RNF14: variants seen among roughly 807,000 people sequenced by gnomAD.
RNF14 encodes the protein E3 ubiquitin-protein ligase RNF14.
Under a neutral mutation model 52.6 loss-of-function variants are expected in RNF14, and 26 were observed. That is an observed-to-expected ratio of 0.49 (90% confidence interval 0.36 to 0.69). The LOEUF (loss-of-function observed/expected upper bound fraction) is 0.69. Among genes scored for constraint, RNF14 ranks in the 30% least tolerant of loss-of-function variants. RNF14 has a pLI of 0.00. For missense variants in RNF14, 404 were observed against 560.4 expected, an observed-to-expected ratio of 0.72 and a Z score of 2.82; for synonymous variants, 194 against 202.0, an observed-to-expected ratio of 0.96 and a Z score of 0.34.
At chr5:141,971,574 TCTTTCTTTCTTTC>T (rs1561544541) in intron 2 of RNF14, among the ~76,000 whole-genome samples, 1 of 3,824 alleles carries the variant, frequency 2.6e-4, no homozygotes, top group Non-Finnish European at 4.7e-4. Flanking sequence ...TTTCTTTCTT[TCTTTCTTTCTTTC>T]TTTCTTTCTT....
At chr5:141,954,569 A>G (rs1167232737), upstream of RNF14, among the ~76,000 whole-genome samples, 1 of 152,212 alleles carries the variant, frequency 6.6e-6, no homozygotes, top group African/African-American at 2.4e-5. Context: ...AGAGCTAGGA[A>G]GAAGTGGAGC....
rs764038475 is a variant in RNF14 at position 141,980,329 on chromosome 5, C to T, written c.1041C>T (p.Val347=). 6.2e-6 allele frequency: 10 copies of T among 1,613,718 alleles called. No homozygotes were observed. Among genetic ancestry groups the T allele is most frequent in the Non-Finnish European group, 7.6e-6 (9 of 1,179,666 alleles). The change falls in exon 6 of 9, where the codon GTC becomes GTT. Residue 347 remains valine, a synonymous_variant. Coordinates refer to ENST00000394520, the MANE Select transcript of RNF14 (RefSeq NM_004290.5). Reference sequence around the variant, plus strand: ...TGTGCAGGTTGACCTACCATGGGGTCTCCCCATGTAAGGTGACTGCAGGTA... The same window carrying T: ...TGTGCAGGTTGACCTACCATGGGGTTTCCCCATGTAAGGTGACTGCAGGTA... ...CTLCRLTYHG[V]SPCKVTAEKL...
intron 4 of RNF14, among the ~76,000 whole-genome samples, chr5:141,977,066 C>G (rs1333764050): frequency 6.6e-6 from 1 of 152,232 alleles, no homozygotes; most frequent in Non-Finnish European, 1.5e-5. Flanking sequence ...TCTGGGATTA[C>G]AGGCATGAGC....
At chr5:141,960,025 T>C (rs1301933311) in intron 1 of RNF14, among the ~76,000 whole-genome samples, 1 of 152,246 alleles carries the variant, frequency 6.6e-6, no homozygotes, top group Non-Finnish European at 1.5e-5. Flanking sequence ...AAAGATGGCC[T>C]TGCATTTGTC....
At chr5:141,967,825 A>T (rs1027000091), upstream of RNF14, among the ~76,000 whole-genome samples, 20 of 152,238 alleles carry the variant, frequency 1.3e-4, no homozygotes, top group African/African-American at 4.1e-4. Flanking sequence ...ACCTAAAAAA[A>T]TTTTTTAATT....
intron 1 of RNF14, among the ~76,000 whole-genome samples, chr5:141,960,275 A>G (rs932851549): frequency 2.0e-5 from 3 of 152,234 alleles, no homozygotes; most frequent in African/African-American, 7.2e-5. Flanking sequence ...GGGGGCAGGG[A>G]AAATGAAAGG....
chr5:141,957,361 G>A, upstream of RNF14: 1 of 1,613,896 alleles, frequency 6.2e-7, no homozygotes, highest in Admixed American at 1.7e-5. The surrounding 1 kb of genome is among the most constrained non-coding windows in gnomAD (Gnocchi z 4.3). Context: ...GTTAGGGCCT[G>A]TGTCTGGGTC....
upstream of RNF14, chr5:141,956,100 G>T (rs1753178806): frequency 2.5e-6 from 4 of 1,614,220 alleles, no homozygotes; most frequent in Non-Finnish European, 3.4e-6. Context: ...GGTGGCCTGT[G>T]GAGGCATTCA....
At chr5:141,955,381 C>T, upstream of RNF14, 1 of 1,614,060 alleles carries the variant, frequency 6.2e-7, no homozygotes, top group East Asian at 2.2e-5. This position sits in a 1 kb window ranked among gnomAD's most constrained non-coding sequence, Gnocchi z 5.5. Context: ...ACGCAGCGTC[C>T]TGTACAGGGT....
chr5:141,968,629 A>G (rs1354432147), upstream of RNF14, among the ~76,000 whole-genome samples: 1 of 152,212 alleles, frequency 6.6e-6, no homozygotes, highest in African/African-American at 2.4e-5. Context: ...GTGAAGATAG[A>G]AAATTTACGT....
intron 8 of RNF14, 56 bp downstream of exon 8, chr5:141,984,989 A>C: frequency 6.8e-7 from 1 of 1,477,380 alleles, no homozygotes; most frequent in Non-Finnish European, 9.4e-7. Flanking sequence ...CTTGATTTGC[A>C]GACCACAAAT....
rs1353799488 is a variant in RNF14, at chr5:141,988,506, G to T, written c.*716G>T. 6.6e-6 allele frequency: 1 copy of T among 152,332 alleles called. No individual in the cohort carries two copies. The highest frequency in any genetic ancestry group is 1.5e-5 in the Non-Finnish European group (1 of 68,038). 9.4% of individuals were successfully genotyped at this position (152,332 alleles called of 1,614,324 possible). ...AGAATTTAGTGATACTGGCTCAGAAGAATTTAAGTTCTATTCAGCCTTCCT... is the reference window on the plus strand; with the variant it reads ...AGAATTTAGTGATACTGGCTCAGAATAATTTAAGTTCTATTCAGCCTTCCT... On this transcript the variant is annotated 3_prime_UTR_variant, in exon 9 of 9. Coordinates refer to ENST00000394520, the MANE Select transcript of RNF14 (RefSeq NM_004290.5).
upstream of RNF14, among the ~76,000 whole-genome samples, chr5:141,968,401 G>A (rs1753436106): frequency 6.6e-6 from 1 of 152,134 alleles, no homozygotes; most frequent in African/African-American, 2.4e-5. Flanking sequence ...CACCGCACCC[G>A]GCCTTCTAAG....
intron 3 of RNF14, among the ~76,000 whole-genome samples, chr5:141,974,000 C>T (rs895562454): frequency 1.3e-5 from 2 of 152,176 alleles, no homozygotes; most frequent in African/African-American, 4.8e-5. Flanking sequence ...GTTTATCAGC[C>T]ATGAGTCATT....
chr5:141,949,385 C>T, the RNF14 span: 1 of 1,563,384 alleles, frequency 6.4e-7, no homozygotes, highest in Non-Finnish European at 8.6e-7. Context: ...GAAGCTTGGA[C>T]ACCATGGGGC....
At chr5:141,978,264 T>C (rs1306430959) in intron 4 of RNF14, 39 bp from the exon 5 acceptor site, 3 of 1,520,794 alleles carry the variant, frequency 2.0e-6, no homozygotes, top group Non-Finnish European at 2.6e-6. Context: ...CAGCATCATC[T>C]TTCCAAACTC....
intron 2 of RNF14, among the ~76,000 whole-genome samples, chr5:141,972,020 C>T (rs1416090948): frequency 6.6e-6 from 1 of 152,098 alleles, no homozygotes. Flanking sequence ...TTTAAATATT[C>T]TTGAGTCATA....
In RNF14 at chr5:141,990,028, C is replaced by T. The variant is rs573939609; in HGVS notation, c.*2238C>T. 1 of 152,260 alleles carries T rather than the reference C, an allele frequency of 6.6e-6. No individual in the cohort carries two copies. Among genetic ancestry groups the T allele is most frequent in the East Asian group, 1.9e-4 (1 of 5,184 alleles). 9.4% of individuals were successfully genotyped at this position (152,260 alleles called of 1,614,324 possible). On this transcript the variant is annotated 3_prime_UTR_variant, in exon 9 of 9. Transcript: ENST00000394520. ...AACACAGGTATTTGGTGTTTAGTCT[C>T]AAAAATTTGTTTGGTCACCTTAGTG...
chr5:141,967,970 A>G (rs375230576), upstream of RNF14, among the ~76,000 whole-genome samples: 4 of 152,206 alleles, frequency 2.6e-5, no homozygotes, highest in African/African-American at 9.7e-5. Flanking sequence ...GAAACACCAT[A>G]TCTATTAGCG....
Sources: gnomAD v4.1 joint callset for allele counts (sites outside exome capture counted in the v4.1 genomes callset) on GRCh38, gnomAD v4.1.1 for gene constraint, Gnocchi (gnomAD v3.1) non-coding constraint, MANE v1.5 for transcripts, NCBI Gene and HGNC (gene_info 2026-07-23, HGNC 2026-07-21) for gene names.